The following PKHD1 variants were observed in gnomAD, a reference collection of about 807,000 sequenced individuals.
The protein encoded by PKHD1 is fibrocystin.
A neutral mutation model predicts 412.0 loss-of-function variants in PKHD1; 291 were observed. The ratio of observed to expected loss-of-function variants is 0.71; its 90% CI spans 0.64 to 0.78. PKHD1 has a LOEUF of 0.78. Ranked by LOEUF, PKHD1 falls within the 30% of genes least tolerant of loss-of-function variation. The pLI is 0.00. For missense variants in PKHD1, 4,825 were observed against 4,950.7 expected, an observed-to-expected ratio of 0.97 and a Z score of 0.76; for synonymous variants, 1,777 against 1,821.5, an observed-to-expected ratio of 0.98 and a Z score of 0.62.
rs182073468 is a variant in PKHD1, at chr6:51,664,633, C to T, written c.10157-4664G>A. ...TTACTATGGCTCCTCTCTCTAGTTG[C>T]CATATTGTTATTATTAAGCACTGTG... On this transcript the variant is annotated intron_variant, in intron 60 of 66. Transcript: ENST00000371117. 8.2e-4 allele frequency among the ~76,000 whole-genome samples: 125 copies of T among 152,240 alleles called. 2 individuals carry two copies. The highest frequency in any genetic ancestry group is 7.7e-3 in the Admixed American group (117 of 15,278).
chr6:51,769,763 T>A (rs569371876), intron 55 of PKHD1, among the ~76,000 whole-genome samples: 38 of 151,548 alleles, frequency 2.5e-4, no homozygotes, highest in African/African-American at 8.9e-4. Flanking sequence ...ATAAGAAAAG[T>A]TTGTTTGCTT....
chr6:52,001,523 G>A (rs569597505), intron 35 of PKHD1, among the ~76,000 whole-genome samples: 100 of 150,984 alleles, frequency 6.6e-4, no homozygotes, highest in Middle Eastern at 6.9e-3. Context: ...TCCGCCTCCC[G>A]GGTTCACGTC....
At chr6:51,639,793 G>A (rs1244439302) in intron 63 of PKHD1, among the ~76,000 whole-genome samples, 1 of 152,110 alleles carries the variant, frequency 6.6e-6, no homozygotes, top group South Asian at 2.1e-4. Context: ...GTGGACAAAG[G>A]GTTATGAAAG....
At chr6:51,671,157 C>T (rs1019841304) in intron 60 of PKHD1, among the ~76,000 whole-genome samples, 12 of 152,192 alleles carry the variant, frequency 7.9e-5, no homozygotes, top group African/African-American at 2.6e-4. Context: ...CAACTTGGTT[C>T]CATTCTCCCC....
At chr6:51,784,977 G>C (rs1431089455) in intron 53 of PKHD1, among the ~76,000 whole-genome samples, 1 of 152,148 alleles carries the variant, frequency 6.6e-6, no homozygotes, top group African/African-American at 2.4e-5. Context: ...TTCTTTCAGA[G>C]AATGTATTAC....
chr6:52,033,163 C>T lies in PKHD1; in HGVS notation c.3231G>A (p.Gly1077=). The change falls in exon 29 of 67, where the codon GGG becomes GGA. Residue 1077 remains glycine, a splice_region_variant and synonymous_variant. Coordinates refer to ENST00000371117, the MANE Select transcript of PKHD1 (RefSeq NM_138694.4). ...TCACATTCACAATGCGTCCATCTTTCCCCTGAAAAATCAATTTTAAAAATT... is the reference window on the plus strand; with the variant it reads ...TCACATTCACAATGCGTCCATCTTTTCCCTGAAAAATCAATTTTAAAAATT... The part of the protein sequence containing the change: ...SRIQCKVPPR[G]KDGRIVNVTV... 6.2e-7 allele frequency: 1 copy of T among 1,612,232 alleles called. No homozygotes were observed. Among genetic ancestry groups the T allele is most frequent in the East Asian group, 2.2e-5 (1 of 44,854 alleles).
chr6:51,723,509 G>A (rs562798431), intron 60 of PKHD1, among the ~76,000 whole-genome samples: 66 of 152,236 alleles, frequency 4.3e-4, no homozygotes, highest in Non-Finnish European at 8.1e-4. Context: ...GACTATTGAA[G>A]AACAATTCAT....
chr6:51,961,712 A>T (rs575208452), intron 35 of PKHD1, among the ~76,000 whole-genome samples: 1 of 152,244 alleles, frequency 6.6e-6, no homozygotes, highest in East Asian at 1.9e-4. Context: ...AAAAACAGAG[A>T]TGGTAAAGTA....
rs1581726525 is a variant in PKHD1, at chr6:52,010,306, T to C, written c.5751+3A>G. 4.3e-6 allele frequency: 7 copies of C among 1,613,338 alleles called. No homozygotes were observed. Among genetic ancestry groups the C allele is most frequent in the Admixed American group, 1.7e-5 (1 of 60,014 alleles). The stretch of plus-strand genomic sequence containing the variant: ...TCAGTCTGTAAAAAAGATTTGATTA[T>C]ACCTGAGTGTTCTGGCCCCAGCGTT... On this transcript the variant is annotated splice_donor_region_variant and intron_variant, in intron 35 of 66. Coordinates refer to ENST00000371117, the MANE Select transcript of PKHD1 (RefSeq NM_138694.4).
At chr6:51,950,319 G>A (rs1019399914) in intron 36 of PKHD1, among the ~76,000 whole-genome samples, 7 of 151,104 alleles carry the variant, frequency 4.6e-5, no homozygotes, top group Admixed American at 1.3e-4. Context: ...TTTCCCTGGC[G>A]GGGTAGGGAC....
rs765667001 is a variant in PKHD1, at chr6:51,807,485, A to ATATATATGTGTGTG, written c.8303-16113_8303-16112insCACACACATATATA. Among the ~76,000 whole-genome samples, 797 of 111,742 alleles carry ATATATATGTGTGTG rather than the reference A, an allele frequency of 7.1e-3. 45 individuals carry two copies. The highest frequency in any genetic ancestry group is 0.029 in the African/African-American group (746 of 25,774). 73.3% of individuals were successfully genotyped at this position (111,742 alleles called of 152,430 possible). On this transcript the variant is annotated intron_variant, in intron 52 of 66. Transcript: ENST00000371117. The stretch of plus-strand genomic sequence containing the variant: ...TATATATATATATATATATATGTAT[A>ATATATATGTGTGTG]TGTGTGTGTGTGTGTGTGTGTGTGT...
At chr6:51,721,129 T>C (rs1214783923) in intron 60 of PKHD1, 2 of 976,136 alleles carry the variant, frequency 2.0e-6, no homozygotes, top group Non-Finnish European at 2.4e-6. Flanking sequence ...GGCACACTGT[T>C]CCAATAATGG....
At chr6:51,706,191 C>T (rs1203340896) in intron 60 of PKHD1, among the ~76,000 whole-genome samples, 1 of 152,032 alleles carries the variant, frequency 6.6e-6, no homozygotes, top group Non-Finnish European at 1.5e-5. Context: ...TCATTGATAC[C>T]GTTGCCTGTT....
chr6:52,082,444 A>G lies in PKHD1; in HGVS notation c.229T>C (p.Cys77Arg). ...TCCAAGAAAACAGGAAAGACGTCAC[A>G]GGGAACACTCCGCAGTGCGGGCACC... ...MVVPALRSVP[C>R]DVFPVFLDLP... Residue 77 changes from cysteine to arginine, a missense_variant, in exon 4 of 67, where the codon TGT becomes CGT. Physicochemically the swap from Cys to Arg is radical, Grantham distance 180 (BLOSUM62 -3). Transcript: ENST00000371117. The G allele has an allele frequency of 6.2e-7, 1 of 1,614,138 alleles. No homozygotes were observed. The highest frequency in any genetic ancestry group is 8.5e-7 in the Non-Finnish European group (1 of 1,179,990).
intron 36 of PKHD1, among the ~76,000 whole-genome samples, chr6:51,952,929 G>C (rs928436290): frequency 1.3e-5 from 2 of 151,960 alleles, no homozygotes; most frequent in African/African-American, 2.4e-5. Context: ...ATCCAGTAGA[G>C]GTTTATACAA....
At chr6:51,830,789 A>G (rs759950716) in intron 52 of PKHD1, 72 bp downstream of exon 52, 2 of 1,404,568 alleles carry the variant, frequency 1.4e-6, no homozygotes, top group Non-Finnish European at 2.0e-6. Flanking sequence ...GTTGTACAAT[A>G]TAAATGAAAC....
intron 20 of PKHD1, 95 bp downstream of exon 20, chr6:52,053,943 A>G (rs1807289394): frequency 2.3e-6 from 3 of 1,299,988 alleles, no homozygotes; most frequent in Admixed American, 1.7e-5. Flanking sequence ...GCCCAAATAT[A>G]AGACCATTAG....
intron 56 of PKHD1, 73 bp from the exon 57 acceptor site, chr6:51,753,426 C>A (rs1332169227): frequency 3.2e-6 from 4 of 1,233,850 alleles, no homozygotes; most frequent in South Asian, 1.2e-5. Context: ...GGGGACCCAG[C>A]AAACCTGAGA....
chr6:51,861,528 C>G (rs1329204546), intron 48 of PKHD1, among the ~76,000 whole-genome samples: 2 of 152,192 alleles, frequency 1.3e-5, no homozygotes, highest in Non-Finnish European at 2.9e-5. Flanking sequence ...TTGTTGATGT[C>G]ACTCTCATCT....
Sources: allele counts gnomAD v4.1 joint callset (sites outside exome capture counted in the v4.1 genomes callset), GRCh38; gene constraint gnomAD v4.1.1; transcripts MANE v1.5; gene names NCBI Gene and HGNC (gene_info 2026-07-23, HGNC 2026-07-21).